LARGE1: variants seen among roughly 807,000 people sequenced by gnomAD.
LARGE1 encodes the protein xylosyl- and glucuronyltransferase LARGE1.
A neutral mutation model predicts 87.6 loss-of-function variants in LARGE1; 43 were observed. That is an observed-to-expected ratio of 0.49 (90% CI 0.38 to 0.63). LARGE1 has a LOEUF of 0.63. Among genes scored for constraint, LARGE1 ranks in the 30% least tolerant of loss-of-function variants. The probability of loss-of-function intolerance (pLI) is 0.00; values close to 1 mark genes in which losing one functional copy is unlikely to be tolerated. For missense variants in LARGE1, 802 were observed against 1,000.2 expected (o/e 0.80, Z 2.67); for synonymous variants, 434 against 394.6 (o/e 1.10, Z -1.18).
Position 33,283,185 on chromosome 22 carries a change from C to T in LARGE1, c.1877+17G>A, listed in dbSNP as rs758231838. 3.4e-5 allele frequency: 55 copies of T among 1,613,878 alleles called. No individual in the cohort carries two copies. Among genetic ancestry groups the T allele is most frequent in the Non-Finnish European group, 4.1e-5 (48 of 1,180,036 alleles). ...GCCTTCGAGCACCCCCAGAGTACAG[C>T]AGCTAGAGCCACTCACCTGAATGTG... On this transcript the variant is annotated intron_variant, in intron 13 of 14. Transcript: ENST00000397394.
chr22:33,653,068 A>G (rs541774375), intron 2 of LARGE1, among the ~76,000 whole-genome samples: 1 of 152,322 alleles, frequency 6.6e-6, no homozygotes, highest in South Asian at 2.1e-4. Context: ...AGAATGAAAA[A>G]GAATAGGCAG....
chr22:33,216,502 G>A (rs1479089624), intron 11 of LARGE1, among the ~76,000 whole-genome samples: 1 of 151,704 alleles, frequency 6.6e-6, no homozygotes, highest in African/African-American at 2.4e-5. Flanking sequence ...GGTGGCGGGT[G>A]CCTGTAGTCC....
the LARGE1 span, among the ~76,000 whole-genome samples, chr22:33,098,708 T>C: frequency 6.6e-6 from 1 of 152,220 alleles, no homozygotes; most frequent in Non-Finnish European, 1.5e-5. Context: ...ATTCAATAGA[T>C]GCAGAAAGAA....
At chr22:33,447,281 T>C (rs2067721163) in intron 6 of LARGE1, among the ~76,000 whole-genome samples, 1 of 152,232 alleles carries the variant, frequency 6.6e-6, no homozygotes, top group African/African-American at 2.4e-5. Context: ...AAGCATTTAC[T>C]TTTCATTCTT....
At chr22:33,867,440 G>C (rs2064138429) in intron 1 of LARGE1, among the ~76,000 whole-genome samples, 1 of 152,128 alleles carries the variant, frequency 6.6e-6, no homozygotes, top group Admixed American at 6.5e-5. Flanking sequence ...CCCCCTAAGA[G>C]GGAGGTGTCC....
rs190727280 is a variant in LARGE1, at chr22:33,534,282, T to C, written c.787+30566A>G. ...AGCCGGGCGTGGTGGTGGGCACCTG[T>C]AGTCCCAGCTACTCGGGAGGCTGAG... On this transcript the variant is annotated intron_variant, in intron 6 of 14. Transcript: ENST00000397394. Among the ~76,000 whole-genome samples, 177 of 152,244 alleles carry C rather than the reference T, an allele frequency of 1.2e-3. No individual in the cohort carries two copies. In the East Asian group the frequency reaches 0.028, roughly 24 times the overall value.
chr22:33,452,016 T>C (rs933595082), intron 6 of LARGE1, among the ~76,000 whole-genome samples: 6 of 152,232 alleles, frequency 3.9e-5, no homozygotes, highest in African/African-American at 1.4e-4. Flanking sequence ...AGAGATCGCA[T>C]TCCAACCCGA....
chr22:33,394,533 T>C (rs1000401432), intron 7 of LARGE1, among the ~76,000 whole-genome samples: 2 of 152,302 alleles, frequency 1.3e-5, no homozygotes, highest in Middle Eastern at 3.4e-3. Flanking sequence ...ACTTGCAAAG[T>C]AGATGGAATT....
chr22:33,492,196 G>A (rs1007554453), intron 6 of LARGE1, among the ~76,000 whole-genome samples: 6 of 152,198 alleles, frequency 3.9e-5, no homozygotes, highest in Admixed American at 6.5e-5. Flanking sequence ...GAGATGCAAG[G>A]GAGGCATGGT....
intron 6 of LARGE1, among the ~76,000 whole-genome samples, chr22:33,532,237 A>C (rs1233449747): frequency 6.6e-6 from 1 of 152,194 alleles, no homozygotes; most frequent in Non-Finnish European, 1.5e-5. Context: ...AATTTCTTTT[A>C]ACGTTTTATT....
Position 33,337,686 on chromosome 22 carries a change from A to G in LARGE1, c.1247T>C (p.Leu416Pro). 1 of 1,614,078 alleles carries G rather than the reference A, an allele frequency of 6.2e-7. No homozygotes were observed. Among genetic ancestry groups the G allele is most frequent in the Non-Finnish European group, 8.5e-7 (1 of 1,180,006 alleles). The change falls in exon 10 of 15, where the codon CTG becomes CCG. Residue 416 changes from leucine (L) to proline (P), a missense_variant. Physicochemically the swap from Leu to Pro is moderately conservative, Grantham distance 98. This residue lies in a region of LARGE1 where 625 missense variants were observed against 841.9 expected (regional missense o/e 0.74). Coordinates refer to ENST00000397394, the MANE Select transcript of LARGE1 (RefSeq NM_133642.5). ...ATCAGCCTCACTGGGGCAGCCAAAC[A>G]GTTCCCGCCTCAGAAGATTGCCGTC... is the stretch of plus-strand genomic sequence containing the variant. ...EYDGNLLRRE[L>P]FGCPSEADVN...
At chr22:33,685,570 A>G (rs1229275000) in intron 2 of LARGE1, among the ~76,000 whole-genome samples, 2 of 152,224 alleles carry the variant, frequency 1.3e-5, no homozygotes, top group Non-Finnish European at 2.9e-5. Context: ...TGACTGAACT[A>G]GAATCCTAGG....
At position 33,641,532 on chromosome 22, in the gene LARGE1, T is replaced by C. The variant is rs182372930; in HGVS notation, c.408+8835A>G. 2.0e-5 allele frequency among the ~76,000 whole-genome samples: 3 copies of C among 152,278 alleles called. No individual in the cohort carries two copies. The East Asian group carries it at 5.8e-4, about 29-fold the overall frequency. ...GCACAAAACTGGATGGAGAATGAGT[T>C]TGACCAATTGACAGAAGTAGGCTTC... On this transcript the variant is annotated intron_variant, in intron 3 of 14. Transcript: ENST00000397394.
intron 1 of LARGE1, among the ~76,000 whole-genome samples, chr22:33,882,049 T>G (rs1240399248): frequency 7.3e-5 from 11 of 150,440 alleles, no homozygotes; most frequent in Admixed American, 1.3e-4. Flanking sequence ...TTTTTTGTTT[T>G]TTTTTTTTTT....
At chr22:33,815,809 T>C (rs1249116637) in intron 1 of LARGE1, among the ~76,000 whole-genome samples, 2 of 152,060 alleles carry the variant, frequency 1.3e-5, no homozygotes, top group African/African-American at 4.8e-5. Context: ...GCCCTGTGAG[T>C]GTGCAGTCTC....
chr22:33,837,910 G>A (rs374246285), intron 1 of LARGE1, among the ~76,000 whole-genome samples: 7 of 152,300 alleles, frequency 4.6e-5, no homozygotes, highest in South Asian at 2.1e-4. Context: ...TTTAGAACAC[G>A]GGCCAGCAAA....
downstream of LARGE1, among the ~76,000 whole-genome samples, chr22:33,161,452 T>A (rs550909807): frequency 2.6e-5 from 4 of 152,350 alleles, no homozygotes; most frequent in South Asian, 8.3e-4. Flanking sequence ...AAGTCTCATC[T>A]GAGACAAGGC....
At chr22:33,210,146 C>T (rs1924883173) in intron 11 of LARGE1, among the ~76,000 whole-genome samples, 1 of 152,058 alleles carries the variant, frequency 6.6e-6, no homozygotes, top group Non-Finnish European at 1.5e-5. Flanking sequence ...GAGCCGTGTT[C>T]TCCAGATCCA....
intron 11 of LARGE1, among the ~76,000 whole-genome samples, chr22:33,313,912 A>C (rs1334639766): frequency 2.0e-5 from 3 of 152,194 alleles, no homozygotes; most frequent in Admixed American, 2.0e-4. Flanking sequence ...AAGCTGCTCA[A>C]TGTGTGGTAC....
Sources: allele counts gnomAD v4.1 joint callset (sites outside exome capture counted in the v4.1 genomes callset), GRCh38; gene constraint gnomAD v4.1.1; regional missense constraint gnomAD v4.1.1; transcripts MANE v1.5; gene names NCBI Gene and HGNC (gene_info 2026-07-23, HGNC 2026-07-21).